Variants in ZNF618 observed in about 807,000 individuals in gnomAD.
The protein encoded by ZNF618 is neural precursor cell expressed, developmentally down-regulated 10.
A neutral mutation model predicts 103.0 loss-of-function variants in ZNF618; 34 were observed. That is an observed-to-expected ratio of 0.33 (90% CI 0.25 to 0.44). ZNF618 has a LOEUF of 0.44. Among genes scored for constraint, ZNF618 ranks in the 20% least tolerant of loss-of-function variants. The pLI is 1.00. For missense variants in ZNF618, 1,059 were observed against 1,295.4 expected (o/e 0.82, Z 2.80); for synonymous variants, 551 against 542.2 (o/e 1.02, Z -0.23).
chr9:113,943,179 A>G (rs1051388536), intron 1 of ZNF618, among the ~76,000 whole-genome samples: 3 of 152,208 alleles, frequency 2.0e-5, no homozygotes, highest in African/African-American at 7.2e-5. Flanking sequence ...CTGGTAAGAC[A>G]AGCAGGATGC....
chr9:113,882,540 T>G (rs1360533322), intron 1 of ZNF618, among the ~76,000 whole-genome samples: 1 of 152,238 alleles, frequency 6.6e-6, no homozygotes, highest in East Asian at 1.9e-4. Flanking sequence ...CCTGGAAACC[T>G]GGTGGCTTAT....
chr9:113,998,205 C>T (rs2133543934), intron 3 of ZNF618, 54 bp from the exon 4 acceptor site: 2 of 1,517,472 alleles, frequency 1.3e-6, no homozygotes, highest in African/African-American at 1.4e-5. Context: ...CTTCCCTAAC[C>T]TTCCAGGCAT....
chr9:114,042,824 A>G (rs1029987129), intron 13 of ZNF618, among the ~76,000 whole-genome samples: 2 of 152,126 alleles, frequency 1.3e-5, no homozygotes, highest in Non-Finnish European at 2.9e-5. Context: ...GCAAGACCCT[A>G]TCTCTAAAAT....
chr9:113,916,443 C>CA (rs1311016401), intron 1 of ZNF618, among the ~76,000 whole-genome samples: 2 of 152,090 alleles, frequency 1.3e-5, no homozygotes, highest in African/African-American at 4.8e-5. Flanking sequence ...TCAGTTTGAC[C>CA]CCTCATAAGC....
intron 1 of ZNF618, among the ~76,000 whole-genome samples, chr9:113,937,145 A>G (rs1588091895): frequency 1.3e-5 from 2 of 152,342 alleles, no homozygotes; most frequent in South Asian, 2.1e-4. Context: ...TTATTTCGAC[A>G]TAATTTCAGG....
intron 4 of ZNF618, 141 bp downstream of exon 4, chr9:113,998,495 C>G (rs1840852785): frequency 2.8e-6 from 2 of 715,040 alleles, no homozygotes; most frequent in Admixed American, 2.4e-5. Context: ...TTCTTCATCC[C>G]CTGTCCTGGC....
intron 1 of ZNF618, among the ~76,000 whole-genome samples, chr9:113,940,574 A>T (rs1210733373): frequency 1.4e-5 from 2 of 145,520 alleles, no homozygotes; most frequent in Admixed American, 1.4e-4. Flanking sequence ...GTCAGTTAAA[A>T]TTTTGGGGGG....
At chr9:113,900,755 A>G (rs368838938) in intron 1 of ZNF618, among the ~76,000 whole-genome samples, 2 of 74,580 alleles carry the variant, frequency 2.7e-5, no homozygotes, top group East Asian at 4.0e-4. Context: ...CCTCTCGCGC[A>G]AACCCGACCT....
At chr9:113,920,712 A>G (rs1041156027) in intron 1 of ZNF618, among the ~76,000 whole-genome samples, 1 of 152,298 alleles carries the variant, frequency 6.6e-6, no homozygotes, top group African/African-American at 2.4e-5. Flanking sequence ...AAGAGTCGCA[A>G]TTTTTAATGA....
Position 113,927,827 on chromosome 9 carries a change from T to C in ZNF618, c.34-41290T>C, listed in dbSNP as rs142858147. On this transcript the variant is annotated intron_variant, in intron 1 of 14. Coordinates refer to ENST00000374126, the MANE Select transcript of ZNF618 (RefSeq NM_001318042.2). Reference sequence around the variant, plus strand: ...TTGTCCCTACCCCACCATGAGGAGATTTTTCTTCCATCTTAACTCTGAGAA... The same window carrying C: ...TTGTCCCTACCCCACCATGAGGAGACTTTTCTTCCATCTTAACTCTGAGAA... Among the ~76,000 whole-genome samples the C allele has an allele frequency of 1.3e-4, 20 of 152,256 alleles. No individual in the cohort carries two copies. In the East Asian group the frequency reaches 2.9e-3, roughly 22 times the overall value.
intron 1 of ZNF618, among the ~76,000 whole-genome samples, chr9:113,899,421 C>T (rs1382640039): frequency 1.3e-5 from 2 of 152,204 alleles, no homozygotes; most frequent in African/African-American, 2.4e-5. Context: ...GGGAACTGGG[C>T]TGTATAGCAG....
chr9:113,964,272 C>T (rs1022243512), intron 1 of ZNF618, among the ~76,000 whole-genome samples: 3 of 152,138 alleles, frequency 2.0e-5, no homozygotes, highest in Non-Finnish European at 4.4e-5. Flanking sequence ...TTTCATTCTT[C>T]GAGATCAGGC....
At chr9:113,990,072 C>T (rs1839893485) in intron 3 of ZNF618, among the ~76,000 whole-genome samples, 1 of 152,236 alleles carries the variant, frequency 6.6e-6, no homozygotes. Context: ...GTGTAGTCTG[C>T]TCTTCCTGTA....
In ZNF618 at chr9:114,055,120, GCC is replaced by G. The variant is rs1846387839; in HGVS notation, c.*4954_*4955del. The G allele has an allele frequency of 6.6e-6, 1 of 152,256 alleles. No individual in the cohort carries two copies. Among genetic ancestry groups the G allele is most frequent in the Non-Finnish European group, 1.5e-5 (1 of 68,084 alleles). The allele number at this position is 152,256 out of a possible 1,614,324, so 9.4% of individuals were successfully genotyped here. On this transcript the variant is annotated 3_prime_UTR_variant, in exon 15 of 15. Coordinates refer to ENST00000374126, the MANE Select transcript of ZNF618 (RefSeq NM_001318042.2). ...AAATTCCTTAAAGGGGCACAGCCCA[GCC>G]TTGTCCGCAACCTCAGGGGCCTGGG...
chr9:114,016,011 G>T, intron 9 of ZNF618: 2 of 1,114,480 alleles, frequency 1.8e-6, no homozygotes, highest in South Asian at 1.4e-5. Flanking sequence ...TCCCCCAAGG[G>T]GGTAGATGCT....
chr9:113,944,614 C>T (rs1477577568), intron 1 of ZNF618, among the ~76,000 whole-genome samples: 1 of 152,126 alleles, frequency 6.6e-6, no homozygotes, highest in African/African-American at 2.4e-5. Context: ...ACAGAGTTAT[C>T]TAATAGAAAT....
chr9:113,987,745 A>G (rs1460380259), intron 2 of ZNF618, among the ~76,000 whole-genome samples: 1 of 152,168 alleles, frequency 6.6e-6, no homozygotes, highest in Non-Finnish European at 1.5e-5. Flanking sequence ...TGGAGTCCCA[A>G]CCACTCGGGA....
Position 114,002,647 on chromosome 9 carries a change from G to A in ZNF618, c.535G>A (p.Gly179Arg), listed in dbSNP as rs1841356596. ...HRDTEATSGEGASQSNNFRYT... is the reference protein window; with the variant it reads ...HRDTEATSGERASQSNNFRYT... Reference sequence around the variant, plus strand: ...AGACACCGAAGCCACCTCAGGGGAGGGAGCCTCCCAAAGCAGTGAGTACTT... The same window carrying A: ...AGACACCGAAGCCACCTCAGGGGAGAGAGCCTCCCAAAGCAGTGAGTACTT... Residue 179 changes from glycine (G) to arginine (R), a missense_variant, in exon 6 of 15, where the codon GGA becomes AGA. Coordinates refer to ENST00000374126, the MANE Select transcript of ZNF618 (RefSeq NM_001318042.2). 6.2e-7 allele frequency: 1 copy of A among 1,611,512 alleles called. No homozygotes were observed. Among genetic ancestry groups the A allele is most frequent in the Non-Finnish European group, 8.5e-7 (1 of 1,179,722 alleles).
chr9:113,966,629 G>A (rs1038439953), intron 1 of ZNF618, among the ~76,000 whole-genome samples: 4 of 152,306 alleles, frequency 2.6e-5, no homozygotes, highest in Admixed American at 1.3e-4. Context: ...TGTCGTCATG[G>A]TGTAGCTGGA....
Sources: allele counts gnomAD v4.1 joint callset (sites outside exome capture counted in the v4.1 genomes callset), GRCh38; gene constraint gnomAD v4.1.1; transcripts MANE v1.5; gene names NCBI Gene and HGNC (gene_info 2026-07-23, HGNC 2026-07-21).